The following PDSS1 variants were observed in gnomAD, a reference collection of about 807,000 sequenced individuals.
The protein encoded by PDSS1 is decaprenyl diphosphate synthase subunit 1, also known as all trans-polyprenyl-diphosphate synthase PDSS1.
Under a neutral mutation model 57.5 loss-of-function variants are expected in PDSS1, and 43 were observed. The observed-to-expected ratio is 0.75, with a 90% confidence interval of 0.59 to 0.96. The LOEUF (loss-of-function observed/expected upper bound fraction) is 0.96. Among genes scored for constraint, PDSS1 ranks in the 50% least tolerant of loss-of-function variants. The probability of loss-of-function intolerance (pLI) is 0.00; values close to 1 mark genes in which losing one functional copy is unlikely to be tolerated. For synonymous variants in PDSS1, 175 were observed against 191.3 expected (o/e 0.91, Z 0.70); for missense variants, 438 against 527.8 (o/e 0.83, Z 1.67).
intron 9 of PDSS1, 49 bp downstream of exon 9, chr10:26,735,369 G>A: frequency 7.1e-7 from 1 of 1,406,872 alleles, no homozygotes; most frequent in Non-Finnish European, 1.0e-6. Context: ...GATACAGTCA[G>A]CATTCTCCCC....
At chr10:26,745,852 A>AAAG (rs1420649717) in intron 11 of PDSS1, among the ~76,000 whole-genome samples, 6 of 152,180 alleles carry the variant, frequency 3.9e-5, no homozygotes, top group East Asian at 1.9e-4. Flanking sequence ...TCTCAAAAAA[A>AAAG]AAGAAAAAAG....
chr10:26,701,307 C>G (rs538588376), intron 1 of PDSS1, among the ~76,000 whole-genome samples: 1 of 152,278 alleles, frequency 6.6e-6, no homozygotes, highest in Non-Finnish European at 1.5e-5. Flanking sequence ...AACAAGGAGC[C>G]GAATGTTAAT....
chr10:26,731,627 C>A (rs1463441710), intron 8 of PDSS1, among the ~76,000 whole-genome samples: 1 of 152,184 alleles, frequency 6.6e-6, no homozygotes, highest in African/African-American at 2.4e-5. Flanking sequence ...GTGTTTCCAC[C>A]AGCAGCTTTT....
chr10:26,724,202 G>A (rs984089261), intron 8 of PDSS1, 79 bp downstream of exon 8: 1 of 1,012,834 alleles, frequency 9.9e-7, no homozygotes, highest in Non-Finnish European at 1.6e-6. Context: ...AAATATTTCG[G>A]TGAAGAATCT....
At chr10:26,727,213 G>C (rs1318612934) in intron 8 of PDSS1, among the ~76,000 whole-genome samples, 1 of 152,140 alleles carries the variant, frequency 6.6e-6, no homozygotes, top group East Asian at 1.9e-4. Context: ...CAGGAAATCT[G>C]GTGGAAATGA....
At chr10:26,734,924 T>G (rs1375801949) in intron 8 of PDSS1, among the ~76,000 whole-genome samples, 2 of 152,258 alleles carry the variant, frequency 1.3e-5, no homozygotes, top group African/African-American at 2.4e-5. Flanking sequence ...GAAGGTTTAC[T>G]TAGCATGTTA....
intron 10 of PDSS1, among the ~76,000 whole-genome samples, chr10:26,741,648 G>A (rs1458826968): frequency 6.6e-6 from 1 of 152,188 alleles, no homozygotes; most frequent in East Asian, 1.9e-4. Flanking sequence ...CTTTCAGTTG[G>A]TAATCAATTT....
intron 5 of PDSS1, chr10:26,717,548 G>C (rs1835632364): frequency 6.6e-6 from 1 of 152,188 alleles, no homozygotes; most frequent in African/African-American, 2.4e-5. Flanking sequence ...GACATTTTTA[G>C]ATGGATATAT....
chr10:26,724,084 C>G lies in PDSS1; in HGVS notation c.792C>G (p.Phe264Leu), dbSNP rs886154682. The change falls in exon 8 of 12, where the codon TTC (phenylalanine) becomes TTG (leucine). Residue 264 changes from phenylalanine to leucine, a missense_variant. Around this residue, in one of 2 missense-constraint regions of PDSS1, gnomAD observed 284 missense variants for 390.7 expected, o/e 0.73. Coordinates refer to ENST00000376215, the MANE Select transcript of PDSS1 (RefSeq NM_014317.5). ...TTGCACACTACCTTGAGAAGACATT[C>G]AAGAAGACCGCCAGCCTGATAGCCA... is the stretch of plus-strand genomic sequence containing the variant. ...ERFAHYLEKT[F>L]KKTASLIANS... The G allele has an allele frequency of 6.2e-7, 1 of 1,613,740 alleles. No homozygotes were observed. The highest frequency in any genetic ancestry group is 1.3e-5 in the African/African-American group (1 of 74,904).
intron 5 of PDSS1, among the ~76,000 whole-genome samples, chr10:26,719,984 A>G (rs1284949885): frequency 2.0e-5 from 3 of 152,158 alleles, no homozygotes; most frequent in Admixed American, 6.5e-5. Flanking sequence ...TTTTTGGCTA[A>G]TGGTACAATT....
At chr10:26,712,288 A>C (rs1835427471) in intron 5 of PDSS1, among the ~76,000 whole-genome samples, 1 of 100,306 alleles carries the variant, frequency 1.0e-5, no homozygotes, top group Non-Finnish European at 2.3e-5. Flanking sequence ...GGTGTGAGCC[A>C]CCGCGCCCAG....
intron 11 of PDSS1, among the ~76,000 whole-genome samples, chr10:26,744,394 T>G (rs28688441): frequency 2.6e-5 from 4 of 152,234 alleles, no homozygotes; most frequent in South Asian, 4.2e-4. Context: ...TTATTTTATT[T>G]TATTGTATTT....
intron 2 of PDSS1, among the ~76,000 whole-genome samples, chr10:26,703,142 A>G (rs1835097321): frequency 6.6e-6 from 1 of 152,228 alleles, no homozygotes; most frequent in Admixed American, 6.5e-5. Context: ...TCAGAAAGAC[A>G]TCACAAGGTA....
chr10:26,731,949 G>A (rs1213573227), intron 8 of PDSS1, among the ~76,000 whole-genome samples: 3 of 152,178 alleles, frequency 2.0e-5, no homozygotes, highest in East Asian at 1.9e-4. Context: ...GAGCCACTGC[G>A]CCCAGCCCTT....
intron 2 of PDSS1, among the ~76,000 whole-genome samples, chr10:26,703,797 T>G (rs1835117476): frequency 6.6e-6 from 1 of 152,054 alleles, no homozygotes; most frequent in Non-Finnish European, 1.5e-5. Context: ...CATTTTAATA[T>G]GGCGCCGGGC....
chr10:26,701,759 G>A (rs925914596), intron 1 of PDSS1: 1 of 452,806 alleles, frequency 2.2e-6, no homozygotes, highest in African/African-American at 2.0e-5. Context: ...GTCCCTGCTG[G>A]GGCACTGCCT....
rs78336690 is a variant in PDSS1, at chr10:26,727,324, C to T, written c.831+3201C>T. Among the ~76,000 whole-genome samples the T allele has an allele frequency of 0.01, 1,428 of 141,506 alleles. 86 individuals carry two copies. In the South Asian group the frequency reaches 0.17, roughly 17 times the overall value. The allele number at this position is 141,506 out of a possible 152,430, so 92.8% of individuals were successfully genotyped here. A position where few individuals can be genotyped will look rare whatever the true frequency, so the allele number is the denominator to read the frequency against. ...TGGGTATGGTAATCCTGCCTTGTTT[C>T]TCTCTCTCTCTCTCTCTTTTTTTTT... On this transcript the variant is annotated intron_variant, in intron 8 of 11. Transcript: ENST00000376215.
chr10:26,726,090 G>A (rs1445701209), intron 8 of PDSS1, among the ~76,000 whole-genome samples: 1 of 152,104 alleles, frequency 6.6e-6, no homozygotes, highest in East Asian at 1.9e-4. Flanking sequence ...GCTTACAAAG[G>A]GTCCAAAGAA....
At chr10:26,726,216 T>C (rs527555021) in intron 8 of PDSS1, among the ~76,000 whole-genome samples, 18 of 152,206 alleles carry the variant, frequency 1.2e-4, no homozygotes, top group Admixed American at 4.6e-4. Flanking sequence ...CTTCAAAGAT[T>C]AGCAGCTGAA....
Sources: allele counts gnomAD v4.1 joint callset (sites outside exome capture counted in the v4.1 genomes callset), GRCh38; gene constraint gnomAD v4.1.1; regional missense constraint gnomAD v4.1.1; transcripts MANE v1.5; gene names NCBI Gene and HGNC (gene_info 2026-07-23, HGNC 2026-07-21).